Variants in UNC13C observed in about 807,000 individuals in gnomAD.
UNC13C encodes unc-13 homolog C, also known as protein unc-13 homolog C.
A neutral mutation model predicts 245.4 loss-of-function variants in UNC13C; 174 were observed. The observed-to-expected ratio is 0.71, with a 90% CI of 0.63 to 0.80. The LOEUF (loss-of-function observed/expected upper bound fraction) is 0.80. Ranked by LOEUF, UNC13C falls within the 30% of genes least tolerant of loss-of-function variation. UNC13C has a pLI of 0.00. For missense variants in UNC13C, 2,829 were observed against 2,602.9 expected (o/e 1.09, Z -1.89); for synonymous variants, 992 against 895.1 (o/e 1.11, Z -1.93).
chr15:54,594,452 C>A (rs950663794), intron 30 of UNC13C, among the ~76,000 whole-genome samples: 2 of 151,962 alleles, frequency 1.3e-5, no homozygotes, highest in African/African-American at 4.8e-5. Flanking sequence ...CAGGTGGGGG[C>A]AGGGCTAGGT....
the UNC13C span, among the ~76,000 whole-genome samples, chr15:53,937,793 A>G: frequency 7.1e-6 from 1 of 141,732 alleles, no homozygotes; most frequent in Non-Finnish European, 1.6e-5. Flanking sequence ...TTAGCTTCAT[A>G]AGTGACGGAG....
chr15:54,165,696 T>C (rs2033140297), intron 4 of UNC13C, among the ~76,000 whole-genome samples: 1 of 152,180 alleles, frequency 6.6e-6, no homozygotes, highest in Non-Finnish European at 1.5e-5. Flanking sequence ...GTATGTAATG[T>C]GTTTTCAAAA....
intron 30 of UNC13C, among the ~76,000 whole-genome samples, chr15:54,587,034 G>A (rs996333731): frequency 6.6e-6 from 1 of 152,060 alleles, no homozygotes; most frequent in Non-Finnish European, 1.5e-5. Context: ...TTCATTTTAT[G>A]TACCAATATG....
At chr15:54,243,517 G>A (rs1304882672) in intron 7 of UNC13C, among the ~76,000 whole-genome samples, 1 of 152,050 alleles carries the variant, frequency 6.6e-6, no homozygotes, top group African/African-American at 2.4e-5. Flanking sequence ...GGGATTGCTG[G>A]GTCAAGTGGT....
At chr15:54,294,455 G>GA (rs1180780161) in intron 11 of UNC13C, among the ~76,000 whole-genome samples, 1 of 152,000 alleles carries the variant, frequency 6.6e-6, no homozygotes, top group East Asian at 1.9e-4. Context: ...GGCAATGAAG[G>GA]AAAAATGTAT....
chr15:54,111,450 T>C (rs1027475291), intron 2 of UNC13C, among the ~76,000 whole-genome samples: 2 of 152,170 alleles, frequency 1.3e-5, no homozygotes, highest in African/African-American at 2.4e-5. Context: ...GCAAATAACA[T>C]CATAACTGTT....
chr15:54,331,770 T>C (rs2140994645), intron 14 of UNC13C, among the ~76,000 whole-genome samples: 1 of 152,210 alleles, frequency 6.6e-6, no homozygotes, highest in African/African-American at 2.4e-5. Context: ...TTCTACAAAA[T>C]GCAAGTCTCT....
chr15:53,902,768 G>A, the UNC13C span, among the ~76,000 whole-genome samples: 1 of 152,014 alleles, frequency 6.6e-6, no homozygotes, highest in East Asian at 1.9e-4. Flanking sequence ...AGGTTTAGGG[G>A]GCTCAAAATG....
intron 19 of UNC13C, among the ~76,000 whole-genome samples, chr15:54,450,758 G>A (rs760261196): frequency 4.1e-4 from 62 of 152,118 alleles, no homozygotes; most frequent in Non-Finnish European, 8.4e-4. Flanking sequence ...GCTCACGCTC[G>A]GTGCACTGCG....
Position 54,455,228 on chromosome 15 carries a change from T to TATATATATA in UNC13C, c.4934-39379_4934-39371dup, listed in dbSNP as rs1891439587. 1.7e-5 allele frequency among the ~76,000 whole-genome samples: 2 copies of TATATATATA among 118,090 alleles called. 1 individual carries two copies. Among genetic ancestry groups the TATATATATA allele is most frequent in the African/African-American group, 5.9e-5 (2 of 34,042 alleles). The allele number at this position is 118,090 out of a possible 152,430, so 77.5% of individuals were successfully genotyped here. A position where few individuals can be genotyped will look rare whatever the true frequency, so the allele number is the denominator to read the frequency against. On this transcript the variant is annotated intron_variant, in intron 19 of 32. Coordinates refer to ENST00000260323, the MANE Select transcript of UNC13C (RefSeq NM_001080534.3). Reference sequence around the variant, plus strand: ...CTCTATATATATATATATATATATATATATATATATGTTTTTTAATCCACT... The same window carrying TATATATATA: ...CTCTATATATATATATATATATATATATATATATAATATATATATGTTTTTTAATCCACT...
At position 54,401,481 on chromosome 15, in the gene UNC13C, T is replaced by C. The variant is rs78795474; in HGVS notation, c.4847+8300T>C. Among the ~76,000 whole-genome samples the C allele has an allele frequency of 2.1e-3, 321 of 152,278 alleles. 1 individual carries two copies. The highest frequency in any genetic ancestry group is 7.3e-3 in the African/African-American group (305 of 41,570). On this transcript the variant is annotated intron_variant, in intron 18 of 32. Transcript: ENST00000260323. The stretch of plus-strand genomic sequence containing the variant: ...AGAAACTAGGTTCACTCTCTGGAAC[T>C]GTACCAAGAAATACTAAGAGTGAAT...
intron 4 of UNC13C, among the ~76,000 whole-genome samples, chr15:54,229,458 CTT>C (rs1410096739): frequency 3.9e-5 from 6 of 152,000 alleles, no homozygotes; most frequent in Non-Finnish European, 8.8e-5. Context: ...AGCTGACAGT[CTT>C]TTTATTTTTA....
the UNC13C span, among the ~76,000 whole-genome samples, chr15:53,902,689 A>G: frequency 6.6e-6 from 1 of 152,198 alleles, no homozygotes; most frequent in Non-Finnish European, 1.5e-5. Context: ...CATTGTCAGT[A>G]CCAACAGAAG....
At chr15:54,482,484 C>T (rs1893174888) in intron 19 of UNC13C, among the ~76,000 whole-genome samples, 1 of 152,138 alleles carries the variant, frequency 6.6e-6, no homozygotes, top group Non-Finnish European at 1.5e-5. Flanking sequence ...ATTTAAACCA[C>T]TGGGGATCTT....
intron 4 of UNC13C, among the ~76,000 whole-genome samples, chr15:54,156,238 A>T (rs11853378): frequency 0.36 from 55,093 of 152,020 alleles, 11,259 homozygotes; most frequent in Non-Finnish European, 0.47. Flanking sequence ...CAGGCATAGC[A>T]GGCATCTTTT....
intron 2 of UNC13C, among the ~76,000 whole-genome samples, chr15:54,047,076 A>T (rs1249803801): frequency 1.3e-5 from 2 of 152,056 alleles, no homozygotes; most frequent in African/African-American, 2.4e-5. Context: ...TTTATTTTTT[A>T]AAAAGTTACG....
chr15:53,920,336 G>A, the UNC13C span, among the ~76,000 whole-genome samples: 30 of 152,162 alleles, frequency 2.0e-4, no homozygotes, highest in East Asian at 5.4e-3. Flanking sequence ...CACTTTGGGA[G>A]GCTGGTCAGG....
intron 29 of UNC13C, among the ~76,000 whole-genome samples, chr15:54,566,774 C>T (rs1235770129): frequency 6.6e-6 from 1 of 152,028 alleles, no homozygotes; most frequent in Non-Finnish European, 1.5e-5. Flanking sequence ...AATGTCTTGC[C>T]TGAGAAATTC....
chr15:54,299,251 A>G (rs2037513492), intron 12 of UNC13C, among the ~76,000 whole-genome samples: 1 of 152,202 alleles, frequency 6.6e-6, no homozygotes, highest in Non-Finnish European at 1.5e-5. Flanking sequence ...AAAGTCCTTC[A>G]GTTTACCCTG....
Sources: gnomAD v4.1 joint callset for allele counts (sites outside exome capture counted in the v4.1 genomes callset) on GRCh38, gnomAD v4.1.1 for gene constraint, MANE v1.5 for transcripts, NCBI Gene and HGNC (gene_info 2026-07-23, HGNC 2026-07-21) for gene names.